Variants in SORBS2 observed in about 807,000 individuals in gnomAD.
SORBS2 encodes sorbin and SH3 domain-containing protein 2.
In SORBS2, 46 loss-of-function variants were observed where a neutral mutation model predicts 97.7. The ratio of observed to expected loss-of-function variants is 0.47; its 90% confidence interval spans 0.37 to 0.60. The LOEUF (loss-of-function observed/expected upper bound fraction) is 0.60. Among genes scored for constraint, SORBS2 ranks in the 20% least tolerant of loss-of-function variants. The pLI, the probability that SORBS2 is intolerant of heterozygous loss-of-function variation, is 0.00. For synonymous variants in SORBS2, 476 were observed against 473.4 expected (o/e 1.01, Z -0.07); for missense variants, 1,316 against 1,282.3 (o/e 1.03, Z -0.40).
chr4:185,657,408 C>T (rs898281445), upstream of SORBS2: 13 of 1,524,216 alleles, frequency 8.5e-6, no homozygotes, highest in African/African-American at 2.8e-5. Flanking sequence ...CAGACGCACA[C>T]GCTGGCATTT....
At chr4:185,811,621 G>C (rs1290617344) in intron 1 of SORBS2, 43 bp downstream of exon 1, 2 of 152,162 alleles carry the variant, frequency 1.3e-5, no homozygotes, top group African/African-American at 4.8e-5. Context: ...TTTTGCCCCA[G>C]TTATTTTTAT....
At chr4:185,598,050 T>C (rs756202991) in intron 12 of SORBS2, among the ~76,000 whole-genome samples, 15 of 152,198 alleles carry the variant, frequency 9.9e-5, no homozygotes, top group Admixed American at 2.0e-4. Flanking sequence ...CCATTTCCCC[T>C]AACTTCTTAG....
At chr4:185,706,595 C>T (rs192030543) in intron 2 of SORBS2, among the ~76,000 whole-genome samples, 53 of 152,246 alleles carry the variant, frequency 3.5e-4, no homozygotes, top group African/African-American at 1.2e-3. Flanking sequence ...GATAGACCTT[C>T]GTAAGGACCT....
At position 185,806,465 on chromosome 4, in the gene SORBS2, T is replaced by A. The variant is rs1411318668; in HGVS notation, c.-337-31099A>T. On this transcript the variant is annotated intron_variant, in intron 1 of 20. Coordinates refer to the SORBS2 transcript ENST00000284776. ...TTTTTTTTTTTTTTTTTTTTTTTTT[T>A]TTTTTTTTTTGAGACGGAGTCTCGC... Among the ~76,000 whole-genome samples the A allele has an allele frequency of 4.8e-4, 12 of 25,252 alleles. No individual in the cohort carries two copies. In the East Asian group the frequency reaches 0.012, roughly 26 times the overall value. The allele number at this position is 25,252 out of a possible 152,430, so 16.6% of individuals were successfully genotyped here.
chr4:185,619,882 G>T (rs1476061111), intron 8 of SORBS2, among the ~76,000 whole-genome samples, 181 bp downstream of exon 20: 5 of 152,160 alleles, frequency 3.3e-5, no homozygotes, highest in African/African-American at 7.2e-5. Context: ...TAGGGTCAGG[G>T]TGTGGACTGC....
At chr4:185,759,629 T>C (rs1270543041) in intron 2 of SORBS2, among the ~76,000 whole-genome samples, 1 of 149,446 alleles carries the variant, frequency 6.7e-6, no homozygotes, top group Non-Finnish European at 1.5e-5. Flanking sequence ...TTTTTTTTTC[T>C]GTTACAGTTT....
chr4:185,900,227 A>G (rs1302799905), intron 1 of SORBS2, among the ~76,000 whole-genome samples: 1 of 152,234 alleles, frequency 6.6e-6, no homozygotes, highest in Non-Finnish European at 1.5e-5. Context: ...AGTACATAGG[A>G]CAAATAAGTT....
chr4:185,871,729 T>C (rs914872236), intron 1 of SORBS2, among the ~76,000 whole-genome samples: 1 of 152,190 alleles, frequency 6.6e-6, no homozygotes, highest in African/African-American at 2.4e-5. Context: ...AAGGTGGAGA[T>C]CGTTTCATCT....
chr4:185,747,853 C>T (rs1260832772), intron 2 of SORBS2, among the ~76,000 whole-genome samples: 1 of 151,960 alleles, frequency 6.6e-6, no homozygotes, highest in African/African-American at 2.4e-5. Context: ...TAGCCGGGCA[C>T]GGTGGAGGGC....
At chr4:185,943,847 C>T (rs1005674594) in intron 1 of SORBS2, among the ~76,000 whole-genome samples, 5 of 152,126 alleles carry the variant, frequency 3.3e-5, no homozygotes, top group Admixed American at 6.6e-5. Flanking sequence ...GAGTGAAGTA[C>T]GTCATGATGC....
intron 12 of SORBS2, among the ~76,000 whole-genome samples, chr4:185,603,080 A>T (rs965990558): frequency 3.9e-5 from 6 of 152,216 alleles, no homozygotes; most frequent in African/African-American, 1.4e-4. Context: ...ACGGAAACTT[A>T]AAGAATATAC....
chr4:185,892,471 A>G (rs962333673), intron 1 of SORBS2, among the ~76,000 whole-genome samples: 8 of 152,238 alleles, frequency 5.3e-5, no homozygotes, highest in African/African-American at 1.9e-4. Flanking sequence ...TTATGCACCC[A>G]TGTTCACAGC....
At chr4:185,865,758 C>G (rs1161604349) in intron 1 of SORBS2, among the ~76,000 whole-genome samples, 1 of 152,202 alleles carries the variant, frequency 6.6e-6, no homozygotes, top group African/African-American at 2.4e-5. Context: ...TCAGAGAACG[C>G]TAGTCAAGCT....
chr4:185,629,325 T>C (rs531704970), intron 5 of SORBS2, among the ~76,000 whole-genome samples: 3 of 152,096 alleles, frequency 2.0e-5, no homozygotes, highest in East Asian at 1.9e-4. Flanking sequence ...GGTGCATAGA[T>C]AGAGGCAGAA....
rs748822434 is a variant in SORBS2 at position 185,593,870 on chromosome 4, TAAG to T, written c.2846+13_2846+15del. 21 of 1,556,166 alleles carry T rather than the reference TAAG, an allele frequency of 1.3e-5. No individual in the cohort carries two copies. Among genetic ancestry groups the T allele is most frequent in the Non-Finnish European group, 1.8e-5 (20 of 1,127,324 alleles). ...CAAGGTTAGTCTCAAATTTAGAAGATAAGAAGAATACTTACGGTTCCCCCCCAC... is the reference window on the plus strand; with the variant it reads ...CAAGGTTAGTCTCAAATTTAGAAGATAAGAATACTTACGGTTCCCCCCCAC... On this transcript the variant is annotated intron_variant, in intron 13 of 14. Transcript: ENST00000418609.
chr4:185,621,361 G>A (rs950611595), intron 7 of SORBS2, among the ~76,000 whole-genome samples: 2 of 152,090 alleles, frequency 1.3e-5, no homozygotes, highest in Non-Finnish European at 2.9e-5. Flanking sequence ...CAATTGGAAA[G>A]TAAATATTTT....
chr4:185,652,061 C>T (rs1180731379), intron 2 of SORBS2, among the ~76,000 whole-genome samples: 2 of 152,062 alleles, frequency 1.3e-5, no homozygotes, highest in African/African-American at 2.4e-5. Flanking sequence ...AAACCTCCAA[C>T]CCCTGGGCTC....
chr4:185,944,070 T>A (rs2099273377), intron 1 of SORBS2, among the ~76,000 whole-genome samples: 1 of 152,226 alleles, frequency 6.6e-6, no homozygotes, highest in Admixed American at 6.5e-5. Flanking sequence ...CCTACTTACA[T>A]TTGTCATTCT....
At chr4:185,879,925 C>T (rs1174317341) in intron 1 of SORBS2, among the ~76,000 whole-genome samples, 1 of 152,100 alleles carries the variant, frequency 6.6e-6, no homozygotes, top group Non-Finnish European at 1.5e-5. Context: ...ACGAGAGCCA[C>T]GGTGACACGT....
Sources: gnomAD v4.1 joint callset for allele counts (sites outside exome capture counted in the v4.1 genomes callset) on GRCh38, gnomAD v4.1.1 for gene constraint, MANE v1.5 for transcripts, NCBI Gene and HGNC (gene_info 2026-07-23, HGNC 2026-07-21) for gene names.